MRAP2: variants seen among roughly 807,000 people sequenced by gnomAD.
MRAP2 encodes the protein melanocortin 2 receptor accessory protein 2.
A neutral mutation model predicts 17.4 loss-of-function variants in MRAP2; 20 were observed. That is an observed-to-expected ratio of 1.15 (90% confidence interval 0.81 to 1.67). The LOEUF (loss-of-function observed/expected upper bound fraction) is 1.67. Among genes scored for constraint, MRAP2 ranks in the 40% most tolerant of loss-of-function variants. The pLI is 0.00. For synonymous variants in MRAP2, 96 were observed against 88.4 expected, an observed-to-expected ratio of 1.09 and a Z score of -0.48; for missense variants, 238 against 240.0, an observed-to-expected ratio of 0.99 and a Z score of 0.05.
chr6:84,107,329 A>G, the MRAP2 span, among the ~76,000 whole-genome samples: 59 of 152,160 alleles, frequency 3.9e-4, 1 homozygote, highest in African/African-American at 1.3e-3. Context: ...GCAAGAATAT[A>G]TATTTTACCT....
chr6:84,119,451 T>C, the MRAP2 span, among the ~76,000 whole-genome samples: 11 of 152,208 alleles, frequency 7.2e-5, no homozygotes, highest in African/African-American at 2.4e-4. Flanking sequence ...GACTGCATGA[T>C]GAGGTCTAGT....
In MRAP2 at chr6:84,089,648, C is replaced by A; in HGVS notation, c.*167C>A. On this transcript the variant is annotated 3_prime_UTR_variant, in exon 4 of 4. Transcript: ENST00000257776. Reference sequence around the variant, plus strand: ...TTAGAAGAGAGCTGAGCTGATTAAGCTGAGTGGTTTTTTGTTTTGTTTTGT... The same window carrying A: ...TTAGAAGAGAGCTGAGCTGATTAAGATGAGTGGTTTTTTGTTTTGTTTTGT... The A allele has an allele frequency of 1.3e-6, 1 of 769,550 alleles. No individual in the cohort carries two copies. The highest frequency in any genetic ancestry group is 2.0e-6 in the Non-Finnish European group (1 of 507,014). 47.7% of individuals were successfully genotyped at this position (769,550 alleles called of 1,614,324 possible).
chr6:84,117,307 A>G, the MRAP2 span, among the ~76,000 whole-genome samples: 37,046 of 152,026 alleles, frequency 0.24, 9,934 homozygotes, highest in African/African-American at 0.67. Context: ...ACAGGTGTGA[A>G]CCACCATGCC....
At chr6:84,143,890 T>A in the MRAP2 span, among the ~76,000 whole-genome samples, 2 of 151,974 alleles carry the variant, frequency 1.3e-5, no homozygotes, top group Non-Finnish European at 2.9e-5. Context: ...TAAAATAACT[T>A]CCTGTGTTTC....
chr6:84,089,549 T>A lies in MRAP2; in HGVS notation c.*68T>A, dbSNP rs1451729459. 3 of 1,522,660 alleles carry A rather than the reference T, an allele frequency of 2.0e-6. No individual in the cohort carries two copies. The Admixed American group carries it at 5.8e-5, about 29-fold the overall frequency. The allele number at this position is 1,522,660 out of a possible 1,614,324, so 94.3% of individuals were successfully genotyped here. ...ATCTTTATGTAGCAAGAAATCTACA[T>A]CCACCAAAATTGTGTGTGTTTGGGG... On this transcript the variant is annotated 3_prime_UTR_variant, in exon 4 of 4. Coordinates refer to ENST00000257776, the MANE Select transcript of MRAP2 (RefSeq NM_138409.4).
At chr6:84,106,331 G>A in the MRAP2 span, among the ~76,000 whole-genome samples, 3 of 152,144 alleles carry the variant, frequency 2.0e-5, no homozygotes, top group Admixed American at 1.3e-4. Context: ...TGCAGGAAAG[G>A]CAAATCCATA....
chr6:84,065,188 G>A (rs894699227), intron 3 of MRAP2, among the ~76,000 whole-genome samples: 1 of 152,066 alleles, frequency 6.6e-6, no homozygotes, highest in African/African-American at 2.4e-5. Context: ...AGGAGGCTAA[G>A]GTGGGAGGAT....
intron 3 of MRAP2, among the ~76,000 whole-genome samples, chr6:84,066,347 A>G (rs1490504670): frequency 6.6e-6 from 1 of 152,218 alleles, no homozygotes; most frequent in Non-Finnish European, 1.5e-5. Context: ...ACAGTATAAG[A>G]TATGGCATTT....
At chr6:84,069,106 G>A (rs1004589408) in intron 3 of MRAP2, among the ~76,000 whole-genome samples, 1 of 151,936 alleles carries the variant, frequency 6.6e-6, no homozygotes, top group African/African-American at 2.4e-5. Flanking sequence ...TCTCTTGTCT[G>A]ATTGCTCTGG....
the MRAP2 span, among the ~76,000 whole-genome samples, chr6:84,112,027 C>T: frequency 2.0e-5 from 3 of 152,048 alleles, no homozygotes; most frequent in Admixed American, 6.6e-5. Flanking sequence ...TGAGGATTTT[C>T]GCATCAATGT....
intron 1 of MRAP2, chr6:84,035,422 A>G (rs1470956351): frequency 3.0e-6 from 3 of 984,754 alleles, no homozygotes; most frequent in East Asian, 1.1e-4. Flanking sequence ...CTAGCAATCT[A>G]CTGGGATATA....
chr6:84,121,893 A>C, the MRAP2 span, among the ~76,000 whole-genome samples: 5 of 131,334 alleles, frequency 3.8e-5, no homozygotes, highest in Admixed American at 2.7e-4. Context: ...AGGACCTAGA[A>C]AAACAACAAA....
intron 3 of MRAP2, among the ~76,000 whole-genome samples, chr6:84,080,662 C>T (rs146586232): frequency 2.2e-4 from 34 of 152,260 alleles, no homozygotes; most frequent in African/African-American, 6.5e-4. Flanking sequence ...TAGGTGTTGG[C>T]TATCACTTCA....
rs149974392 is a variant in MRAP2 at position 84,054,646 on chromosome 6, G to A, written c.-7-666G>A. On this transcript the variant is annotated intron_variant, in intron 1 of 3. Transcript: ENST00000257776. ...TCATCTCCATTGTTGCATAGTAGGT[G>A]TTGAATGGATACCTACTGAGCTAGT... is the stretch of plus-strand genomic sequence containing the variant. 4.4e-3 allele frequency among the ~76,000 whole-genome samples: 671 copies of A among 152,320 alleles called. 1 individual carries two copies. The highest frequency in any genetic ancestry group is 0.016 in the African/African-American group (650 of 41,562).
At chr6:84,055,995 A>G (rs1390748788) in intron 2 of MRAP2, among the ~76,000 whole-genome samples, 3 of 152,186 alleles carry the variant, frequency 2.0e-5, no homozygotes, top group Non-Finnish European at 4.4e-5. Context: ...GCACAGAGCA[A>G]GGAAATGTAA....
At chr6:84,036,719 C>G (rs1213295282) in intron 1 of MRAP2, among the ~76,000 whole-genome samples, 2 of 152,180 alleles carry the variant, frequency 1.3e-5, no homozygotes, top group Non-Finnish European at 2.9e-5. Flanking sequence ...ATTCCTTTAT[C>G]TGACCCCACC....
the MRAP2 span, among the ~76,000 whole-genome samples, chr6:84,100,855 T>C: frequency 1.6e-4 from 24 of 152,134 alleles, no homozygotes; most frequent in African/African-American, 4.6e-4. Context: ...TTTTATACTT[T>C]GCAGGAGTGA....
At chr6:84,040,455 C>CAG (rs1426723415) in intron 1 of MRAP2, among the ~76,000 whole-genome samples, 1 of 152,030 alleles carries the variant, frequency 6.6e-6, no homozygotes, top group East Asian at 1.9e-4. Context: ...GGGTAATGGG[C>CAG]AGAGGTTGGA....
the MRAP2 span, among the ~76,000 whole-genome samples, chr6:84,106,295 T>C: frequency 6.6e-6 from 1 of 152,134 alleles, no homozygotes; most frequent in Admixed American, 6.6e-5. Context: ...ACGTCAGTGG[T>C]TGGTGGTTTT....
Sources: allele counts gnomAD v4.1 joint callset (sites outside exome capture counted in the v4.1 genomes callset), GRCh38; gene constraint gnomAD v4.1.1; transcripts MANE v1.5; gene names NCBI Gene and HGNC (gene_info 2026-07-23, HGNC 2026-07-21).